SLC14A2: variants seen among roughly 807,000 people sequenced by gnomAD.
The protein encoded by SLC14A2 is urea transporter 2.
In SLC14A2, 91 loss-of-function variants were observed where a neutral mutation model predicts 104.6. The ratio of observed to expected loss-of-function variants is 0.87; its 90% confidence interval spans 0.73 to 1.04. SLC14A2 has a LOEUF of 1.04. SLC14A2 is among the 50% of genes least tolerant of loss of function. SLC14A2 has a pLI of 0.00. For synonymous variants in SLC14A2, 476 were observed against 466.4 expected (o/e 1.02, Z -0.27); for missense variants, 1,189 against 1,156.0 (o/e 1.03, Z -0.41).
At chr18:45,501,372 G>A (rs140771779) in intron 2 of SLC14A2, among the ~76,000 whole-genome samples, 6 of 152,304 alleles carry the variant, frequency 3.9e-5, no homozygotes, top group South Asian at 2.1e-4. Flanking sequence ...GACTTGAATC[G>A]TCCACTTACC....
At chr18:45,238,356 G>T (rs922506966) in intron 1 of SLC14A2, among the ~76,000 whole-genome samples, 1 of 152,216 alleles carries the variant, frequency 6.6e-6, no homozygotes, top group Non-Finnish European at 1.5e-5. Flanking sequence ...AAACAGTCCG[G>T]TCTCTGCAAA....
intron 2 of SLC14A2, among the ~76,000 whole-genome samples, chr18:45,518,397 CTTCATTCA>C (rs10589715): frequency 0.12 from 18,505 of 151,452 alleles, 1,354 homozygotes; most frequent in Non-Finnish European, 0.17. Context: ...TAGCATTTGT[CTTCATTCA>C]TTCATTCATT....
At chr18:45,329,170 G>A (rs2085265463) in intron 1 of SLC14A2, among the ~76,000 whole-genome samples, 1 of 152,246 alleles carries the variant, frequency 6.6e-6, no homozygotes, top group African/African-American at 2.4e-5. Context: ...GACAAGGTCT[G>A]GGGAGAGATG....
intron 1 of SLC14A2, among the ~76,000 whole-genome samples, chr18:45,425,358 G>T (rs552608718): frequency 2.0e-5 from 3 of 152,312 alleles, no homozygotes; most frequent in East Asian, 1.9e-4. Context: ...CCCAGGCTTT[G>T]GTTTTGATTT....
chr18:45,465,607 TCTC>T (rs1430939717), intron 1 of SLC14A2, among the ~76,000 whole-genome samples: 4 of 151,816 alleles, frequency 2.6e-5, no homozygotes, highest in Non-Finnish European at 4.4e-5. Flanking sequence ...CATCCATCCT[TCTC>T]CTCCTCCCTT....
At chr18:45,228,290 A>G (rs1202853731) in intron 1 of SLC14A2, among the ~76,000 whole-genome samples, 1 of 152,234 alleles carries the variant, frequency 6.6e-6, no homozygotes, top group South Asian at 2.1e-4. Context: ...GTTCTAGAAG[A>G]GAAGGATGAG....
At chr18:45,176,809 T>C in the SLC14A2 span, among the ~76,000 whole-genome samples, 1 of 152,168 alleles carries the variant, frequency 6.6e-6, no homozygotes, top group African/African-American at 2.4e-5. Context: ...CACTTCTCTA[T>C]GCAAGTTAAT....
chr18:45,456,156 G>A (rs977395597), intron 1 of SLC14A2, among the ~76,000 whole-genome samples: 36 of 152,058 alleles, frequency 2.4e-4, no homozygotes, highest in African/African-American at 7.2e-4. Context: ...CAGCTGTGAC[G>A]ATCAAAAGTG....
intron 2 of SLC14A2, among the ~76,000 whole-genome samples, chr18:45,581,131 G>A (rs1056466677): frequency 5.3e-5 from 8 of 152,216 alleles, no homozygotes; most frequent in Non-Finnish European, 1.2e-4. Flanking sequence ...AGGGTGGAGT[G>A]AGGGTATATG....
intron 10 of SLC14A2, among the ~76,000 whole-genome samples, chr18:45,649,149 A>G (rs1417711655): frequency 2.0e-5 from 3 of 151,202 alleles, no homozygotes; most frequent in Admixed American, 1.3e-4. Flanking sequence ...ACTCCAGCCT[A>G]TGAGAGCGAG....
At chr18:45,302,335 T>C (rs1290415930) in intron 1 of SLC14A2, among the ~76,000 whole-genome samples, 2 of 152,198 alleles carry the variant, frequency 1.3e-5, no homozygotes, top group Non-Finnish European at 2.9e-5. Context: ...TGCAGGCAGG[T>C]GGGAGCCATA....
At chr18:45,199,089 A>C in the SLC14A2 span, among the ~76,000 whole-genome samples, 1 of 152,178 alleles carries the variant, frequency 6.6e-6, no homozygotes, top group Non-Finnish European at 1.5e-5. Flanking sequence ...TGAAGGCATA[A>C]AATTATACAT....
chr18:45,240,736 C>A (rs1451304319), intron 1 of SLC14A2, among the ~76,000 whole-genome samples: 1 of 151,574 alleles, frequency 6.6e-6, no homozygotes, highest in Non-Finnish European at 1.5e-5. Flanking sequence ...TGGCTCACTG[C>A]AACCTCTGCA....
intron 1 of SLC14A2, among the ~76,000 whole-genome samples, chr18:45,303,600 C>T (rs768137206): frequency 3.9e-5 from 6 of 152,160 alleles, no homozygotes; most frequent in Non-Finnish European, 5.9e-5. Flanking sequence ...CCAAGATGTG[C>T]CATAAGGGGA....
At chr18:45,300,679 C>G (rs540928878) in intron 1 of SLC14A2, among the ~76,000 whole-genome samples, 2 of 152,164 alleles carry the variant, frequency 1.3e-5, no homozygotes, top group Non-Finnish European at 2.9e-5. Flanking sequence ...ACCAGGCACT[C>G]TTTTAAGCAT....
intron 1 of SLC14A2, among the ~76,000 whole-genome samples, chr18:45,437,082 G>A (rs1262762808): frequency 6.6e-6 from 1 of 152,140 alleles, no homozygotes; most frequent in East Asian, 1.9e-4. Flanking sequence ...ACACACACAG[G>A]CACGTATAGA....
At chr18:45,462,705 G>A (rs150280697) in intron 1 of SLC14A2, among the ~76,000 whole-genome samples, 12 of 152,282 alleles carry the variant, frequency 7.9e-5, no homozygotes, top group South Asian at 4.1e-4. Context: ...GGAAACAGGC[G>A]GCTTGACACT....
intron 6 of SLC14A2, 67 bp downstream of exon 6, chr18:45,637,249 T>A: frequency 7.7e-7 from 1 of 1,299,604 alleles, no homozygotes; most frequent in Non-Finnish European, 1.1e-6. Flanking sequence ...GCCAACCAAT[T>A]TGTGGACTAT....
intron 1 of SLC14A2, among the ~76,000 whole-genome samples, chr18:45,383,289 G>A (rs1267213744): frequency 2.6e-5 from 4 of 152,170 alleles, no homozygotes; most frequent in Non-Finnish European, 4.4e-5. Flanking sequence ...CGCAGAAAAT[G>A]GAAGCAACTG....
Sources: gnomAD v4.1 joint callset for allele counts (sites outside exome capture counted in the v4.1 genomes callset) on GRCh38, gnomAD v4.1.1 for gene constraint, MANE v1.5 for transcripts, NCBI Gene and HGNC (gene_info 2026-07-23, HGNC 2026-07-21) for gene names.